Variants in EIF2S1 observed in about 807,000 individuals in gnomAD.
The protein encoded by EIF2S1 is eukaryotic translation initiation factor 2 subunit 1.
EIF2S1 carries 5 observed loss-of-function variants against 33.5 expected under a neutral mutation model. That is an observed-to-expected ratio of 0.15 (90% CI 0.08 to 0.31). EIF2S1 has a LOEUF of 0.31. Among genes scored for constraint, EIF2S1 ranks in the 10% least tolerant of loss-of-function variants. EIF2S1 has a pLI of 1.00. For missense variants in EIF2S1, 191 were observed against 384.6 expected, an observed-to-expected ratio of 0.50 and a Z score of 4.21; for synonymous variants, 99 against 127.5, an observed-to-expected ratio of 0.78 and a Z score of 1.51.
intron 2 of EIF2S1, among the ~76,000 whole-genome samples, chr14:67,372,007 G>A (rs1037358007): frequency 6.6e-6 from 1 of 152,186 alleles, no homozygotes; most frequent in Non-Finnish European, 1.5e-5. Flanking sequence ...GCTGAGGCCT[G>A]TAATCTCAGC....
chr14:67,383,389 A>G lies in EIF2S1; in HGVS notation c.897A>G (p.Glu299=), dbSNP rs76855584. 3,262 of 1,613,752 alleles carry G rather than the reference A, an allele frequency of 2.0e-3. 84 individuals are homozygous for G. The East Asian group carries it at 0.047, about 23-fold the overall frequency. The change falls in exon 8 of 8, where the codon GAA becomes GAG. Residue 299 remains glutamate (E), a synonymous_variant. Transcript: ENST00000256383. ...AGAGGCTTGAAAGAGAAAATGCCGA[A>G]GTGGATGGAGATGATGATGCAGAAG... ...QMERLERENA[E]VDGDDDAEEM...
intron 2 of EIF2S1, among the ~76,000 whole-genome samples, chr14:67,366,872 G>T (rs1385793164): frequency 4.3e-5 from 6 of 138,276 alleles, no homozygotes; most frequent in East Asian, 2.0e-4. Flanking sequence ...CTTTTTTTTT[G>T]ACCTAAGTAC....
rs979691810 is a variant in EIF2S1, at chr14:67,376,465, T to C, written c.348T>C (p.Ala116=). The change falls in exon 4 of 8, where the codon GCT becomes GCC. Residue 116 remains alanine (A), a synonymous_variant. Transcript: ENST00000256383. The part of the protein sequence containing the change: ...KTVYSILRHV[A]EVLEYTKDEQ... Reference sequence around the variant, plus strand: ...TTTATAGCATTCTTCGTCATGTTGCTGAGGTGTTAGAATACACCAAGGATG... The same window carrying C: ...TTTATAGCATTCTTCGTCATGTTGCCGAGGTGTTAGAATACACCAAGGATG... The C allele has an allele frequency of 4.3e-6, 7 of 1,613,042 alleles. No individual in the cohort carries two copies. The African/African-American group carries it at 6.7e-5, about 15-fold the overall frequency.
At chr14:67,381,827 G>GT (rs1341470840) in intron 6 of EIF2S1, 137 bp downstream of exon 6, 11 of 572,460 alleles carry the variant, frequency 1.9e-5, no homozygotes, top group African/African-American at 1.7e-4. Context: ...TTGAGCAGTG[G>GT]TTCTTGGTAA....
At chr14:67,360,618 T>C (rs1024123430) in intron 1 of EIF2S1, 162 bp downstream of exon 1, 1 of 167,922 alleles carries the variant, frequency 6.0e-6, no homozygotes, top group Non-Finnish European at 1.3e-5. Context: ...GTCGTGGGCC[T>C]CCTCGCCGGC....
rs2085897288 is a variant in EIF2S1 at position 67,382,929 on chromosome 14, T to TG, written c.822+339_822+340insG. On this transcript the variant is annotated intron_variant, in intron 7 of 7. Coordinates refer to ENST00000256383, the MANE Select transcript of EIF2S1 (RefSeq NM_004094.5). The stretch of plus-strand genomic sequence containing the variant: ...CGTGCGTGTGTGTGTGTGTGTGTGT[T>TG]ATGGTTCCTTCTATGGAAAGGACTA... Among the ~76,000 whole-genome samples the TG allele has an allele frequency of 2.7e-5, 4 of 148,300 alleles. No individual in the cohort carries two copies. In the South Asian group the frequency reaches 6.5e-4, roughly 24 times the overall value.
intron 1 of EIF2S1, among the ~76,000 whole-genome samples, chr14:67,362,220 A>G (rs2085747343): frequency 6.6e-6 from 1 of 151,832 alleles, no homozygotes; most frequent in Non-Finnish European, 1.5e-5. Flanking sequence ...GGGTTTCACC[A>G]TGTTGACCAG....
At chr14:67,363,196 C>T (rs1280277562) in intron 1 of EIF2S1, among the ~76,000 whole-genome samples, 1 of 151,832 alleles carries the variant, frequency 6.6e-6, no homozygotes, top group East Asian at 1.9e-4. Context: ...TATTCAACAA[C>T]AGTTTCCCCA....
chr14:67,376,660 G>A lies in EIF2S1; in HGVS notation c.473+70G>A, dbSNP rs547831059. On this transcript the variant is annotated intron_variant, in intron 4 of 7. Coordinates refer to ENST00000256383, the MANE Select transcript of EIF2S1 (RefSeq NM_004094.5). ...TCTTGGCCTGATATTTAACAGCATA[G>A]CATCCATGTATAAAATACTTGCCAA... 9 of 1,516,126 alleles carry A rather than the reference G, an allele frequency of 5.9e-6. No individual in the cohort carries two copies. In the East Asian group the frequency reaches 2.0e-4, roughly 34 times the overall value. The allele number at this position is 1,516,126 out of a possible 1,614,324, so 93.9% of individuals were successfully genotyped here. A position where few individuals can be genotyped will look rare whatever the true frequency, so the allele number is the denominator to read the frequency against.
At chr14:67,379,511 G>A (rs955517855) in intron 4 of EIF2S1, among the ~76,000 whole-genome samples, 3 of 151,840 alleles carry the variant, frequency 2.0e-5, no homozygotes, top group African/African-American at 4.8e-5. Flanking sequence ...TTGTCTTCTC[G>A]TTACTTTATG....
chr14:67,375,206 AT>A (rs1352076034), intron 3 of EIF2S1, among the ~76,000 whole-genome samples: 1 of 150,048 alleles, frequency 6.7e-6, no homozygotes, highest in African/African-American at 2.5e-5. Context: ...TGTTTAAGTT[AT>A]CCTTCATCCT....
At chr14:67,381,926 C>T (rs982297667) in intron 6 of EIF2S1, among the ~76,000 whole-genome samples, 2 of 152,074 alleles carry the variant, frequency 1.3e-5, no homozygotes, top group Non-Finnish European at 2.9e-5. Context: ...TGGTAGAAAG[C>T]CAGCGATGCC....
Position 67,381,703 on chromosome 14 carries a change from T to TC in EIF2S1, c.678+13_678+14insC. On this transcript the variant is annotated intron_variant, in intron 6 of 7. Transcript: ENST00000256383. Reference sequence around the variant, plus strand: ...CATGCCCATTAAGGTGAGTCATGAGTTGTCTCCCTCCCTGCTGAAATGCTC... The same window carrying TC: ...CATGCCCATTAAGGTGAGTCATGAGTCTGTCTCCCTCCCTGCTGAAATGCTC... 1 of 1,585,894 alleles carries TC rather than the reference T, an allele frequency of 6.3e-7. No homozygotes were observed. Among genetic ancestry groups the TC allele is most frequent in the Non-Finnish European group, 8.7e-7 (1 of 1,155,992 alleles).
At chr14:67,379,985 G>A (rs1389676188) in intron 4 of EIF2S1, among the ~76,000 whole-genome samples, 2 of 152,022 alleles carry the variant, frequency 1.3e-5, no homozygotes, top group Non-Finnish European at 2.9e-5. Context: ...ATGAACTCCT[G>A]GTCTCCAGTG....
At chr14:67,368,354 T>A (rs1439425389) in intron 2 of EIF2S1, among the ~76,000 whole-genome samples, 1 of 152,198 alleles carries the variant, frequency 6.6e-6, no homozygotes, top group Non-Finnish European at 1.5e-5. Context: ...GATTGGCTGC[T>A]CTGCATAAGA....
chr14:67,382,531 A>C lies in EIF2S1; in HGVS notation c.763A>C (p.Met255Leu), dbSNP rs745636387. The change falls in exon 7 of 8, where the codon ATG becomes CTG. Residue 255 changes from methionine (M) to leucine (L), a missense_variant. Met to Leu is a conservative substitution (Grantham distance 15, BLOSUM62 2). Transcript: ENST00000256383. Reference protein sequence around the residue: ...TEGLSVLSQAMAVIKEKIEEK... With the variant: ...TEGLSVLSQALAVIKEKIEEK... ...AGGCCTTTCTGTCCTCAGTCAAGCTATGGCTGTTATCAAAGAGAAGATTGA... is the reference window on the plus strand; with the variant it reads ...AGGCCTTTCTGTCCTCAGTCAAGCTCTGGCTGTTATCAAAGAGAAGATTGA... The C allele has an allele frequency of 6.2e-7, 1 of 1,613,952 alleles. No homozygotes were observed. Among genetic ancestry groups the C allele is most frequent in the Non-Finnish European group, 8.5e-7 (1 of 1,179,888 alleles).
intron 2 of EIF2S1, among the ~76,000 whole-genome samples, chr14:67,369,513 AAT>A (rs1205198506): frequency 5.9e-5 from 9 of 152,344 alleles, no homozygotes; most frequent in African/African-American, 2.2e-4. Flanking sequence ...GAAAAGGCAA[AAT>A]ACACATTATT....
chr14:67,370,686 A>G (rs1424336701), intron 2 of EIF2S1, among the ~76,000 whole-genome samples: 1 of 152,180 alleles, frequency 6.6e-6, no homozygotes, highest in Non-Finnish European at 1.5e-5. Context: ...TGAGTGTCCT[A>G]TATGTTAGAG....
intron 3 of EIF2S1, 75 bp from the exon 4 acceptor site, chr14:67,376,364 T>G (rs1341120509): frequency 7.3e-7 from 1 of 1,363,942 alleles, no homozygotes; most frequent in Admixed American, 2.5e-5. Context: ...CAAATTATGT[T>G]ATTTACTAAA....
Sources: gnomAD v4.1 joint callset for allele counts (sites outside exome capture counted in the v4.1 genomes callset) on GRCh38, gnomAD v4.1.1 for gene constraint, MANE v1.5 for transcripts, NCBI Gene and HGNC (gene_info 2026-07-23, HGNC 2026-07-21) for gene names.